The following PIEZO2 variants were observed in gnomAD, a reference collection of about 807,000 sequenced individuals.
PIEZO2 encodes the protein piezo type mechanosensitive ion channel component 2, also known as piezo-type mechanosensitive ion channel component 2.
PIEZO2 carries 172 observed loss-of-function variants against 337.3 expected under a neutral mutation model. The ratio of observed to expected loss-of-function variants is 0.51; its 90% CI spans 0.45 to 0.58. The LOEUF is 0.58. Ranked by LOEUF, PIEZO2 falls within the 20% of genes least tolerant of loss-of-function variation. PIEZO2 has a pLI of 0.00. For synonymous variants in PIEZO2, 1,251 were observed against 1,228.5 expected (o/e 1.02, Z -0.38); for missense variants, 3,028 against 3,391.3 (o/e 0.89, Z 2.66).
At chr18:10,762,120 T>C (rs2038160860) in intron 23 of PIEZO2, among the ~76,000 whole-genome samples, 1 of 152,246 alleles carries the variant, frequency 6.6e-6, no homozygotes, top group Non-Finnish European at 1.5e-5. Flanking sequence ...TTAATATTTT[T>C]CTTTGTGTCT....
chr18:10,725,062 G>C (rs1448574267), intron 36 of PIEZO2: 1 of 1,543,772 alleles, frequency 6.5e-7, no homozygotes, highest in Non-Finnish European at 9.0e-7. Flanking sequence ...AACCAACGTG[G>C]ACCGTGAGGG....
At position 10,992,555 on chromosome 18, in the gene PIEZO2, T is replaced by TCTGAGGC. The variant is rs539302964; in HGVS notation, c.161-12902_161-12896dup. Among the ~76,000 whole-genome samples, 114 of 152,264 alleles carry TCTGAGGC rather than the reference T, an allele frequency of 7.5e-4. 1 individual carries two copies. Among genetic ancestry groups the TCTGAGGC allele is most frequent in the African/African-American group, 2.7e-3 (111 of 41,580 alleles). ...CAGATGGTTGTAGATGTGTGTGATT[T>TCTGAGGC]CTGAGGCCTCTGTCCTGTTCTATTG... On this transcript the variant is annotated intron_variant, in intron 2 of 55. Transcript: ENST00000674853.
At chr18:10,717,955 A>T (rs1166796917) in intron 37 of PIEZO2, among the ~76,000 whole-genome samples, 1 of 152,212 alleles carries the variant, frequency 6.6e-6, no homozygotes, top group Non-Finnish European at 1.5e-5. Flanking sequence ...AGGTGCTTGC[A>T]TAAAGGAATT....
intron 4 of PIEZO2, among the ~76,000 whole-genome samples, chr18:10,887,955 C>T (rs868480061): frequency 1.1e-4 from 16 of 152,094 alleles, no homozygotes; most frequent in Middle Eastern, 3.2e-3. Context: ...TCTGCTGGGT[C>T]ATCATGTTTA....
intron 4 of PIEZO2, among the ~76,000 whole-genome samples, chr18:10,896,295 G>C (rs1414621876): frequency 6.6e-6 from 1 of 152,048 alleles, no homozygotes; most frequent in African/African-American, 2.4e-5. Context: ...AGGTGCTGGT[G>C]ACCATCTGAC....
intron 2 of PIEZO2, among the ~76,000 whole-genome samples, chr18:11,064,141 G>C (rs910341578): frequency 1.1e-4 from 17 of 152,150 alleles, no homozygotes; most frequent in African/African-American, 3.9e-4. Flanking sequence ...GACAAGCTTG[G>C]TCTAACACAA....
intron 20 of PIEZO2, 72 bp from the exon 21 acceptor site, chr18:10,770,380 C>A (rs1200197299): frequency 1.6e-5 from 22 of 1,409,234 alleles, no homozygotes; most frequent in Non-Finnish European, 2.0e-5. Flanking sequence ...TATCTTGTAA[C>A]TTTCAGGTTG....
rs1480368065 is a variant in PIEZO2 at position 10,726,472 on chromosome 18, G to C, written c.5029+4935C>G. On this transcript the variant is annotated intron_variant, in intron 36 of 55. Transcript: ENST00000674853. The surrounding 1 kb of genome is among the most constrained non-coding windows in gnomAD (Gnocchi z 5.9). ...CCGGCGAACCCCACGAGGAGGGCCT[G>C]GCCACCCTGCACAGCGTGCTGCTCC... 3.9e-6 allele frequency: 6 copies of C among 1,526,444 alleles called. No individual in the cohort carries two copies. The highest frequency in any genetic ancestry group is 4.0e-5 in the Admixed American group (2 of 50,256). The allele number at this position is 1,526,444 out of a possible 1,614,324, so 94.6% of individuals were successfully genotyped here. A position where few individuals can be genotyped will look rare whatever the true frequency, so the allele number is the denominator to read the frequency against.
intron 9 of PIEZO2, among the ~76,000 whole-genome samples, chr18:10,802,890 T>C (rs944742566): frequency 6.6e-6 from 1 of 150,748 alleles, no homozygotes; most frequent in Non-Finnish European, 1.5e-5. Flanking sequence ...GAGAATCGCT[T>C]GAACCCAGGA....
At chr18:10,838,659 G>C (rs2041095670) in intron 7 of PIEZO2, among the ~76,000 whole-genome samples, 1 of 152,172 alleles carries the variant, frequency 6.6e-6, no homozygotes. Context: ...AATTATCACA[G>C]GCATTCTTTC....
chr18:10,766,111 AGT>A lies in PIEZO2; in HGVS notation c.2947-3015_2947-3014del, dbSNP rs1328108989. ...TTCATTCCATACAAATATCAAGCCCAGTGCAAACCTCAGTGCGCCTTGCCCTC... is the reference window on the plus strand; with the variant it reads ...TTCATTCCATACAAATATCAAGCCCAGCAAACCTCAGTGCGCCTTGCCCTC... On this transcript the variant is annotated intron_variant, in intron 21 of 55. Coordinates refer to ENST00000674853, the MANE Select transcript of PIEZO2 (RefSeq NM_001378183.1). This position sits in a 1 kb window ranked among gnomAD's most constrained non-coding sequence, Gnocchi z 6.1. 1.3e-5 allele frequency among the ~76,000 whole-genome samples: 2 copies of A among 152,162 alleles called. No homozygotes were observed. The highest frequency in any genetic ancestry group is 2.9e-5 in the Non-Finnish European group (2 of 68,030).
intron 3 of PIEZO2, among the ~76,000 whole-genome samples, chr18:10,959,075 G>A (rs1252226211): frequency 6.6e-6 from 1 of 152,004 alleles, no homozygotes; most frequent in Non-Finnish European, 1.5e-5. Flanking sequence ...TATGTCATCA[G>A]CAAAAATATG....
intron 48 of PIEZO2, 72 bp from the exon 49 acceptor site, chr18:10,689,874 A>C: frequency 1.4e-5 from 21 of 1,526,270 alleles, no homozygotes; most frequent in Non-Finnish European, 1.7e-5. Flanking sequence ...CCAGGAGCTC[A>C]AGCAGTTCCT....
chr18:10,914,168 C>G (rs184038008), intron 3 of PIEZO2, among the ~76,000 whole-genome samples: 37 of 152,214 alleles, frequency 2.4e-4, no homozygotes, highest in African/African-American at 8.9e-4. Flanking sequence ...CCAAAGCAGT[C>G]CAACACGGGG....
In PIEZO2 at chr18:11,094,009, G is replaced by A. The variant is rs1168131583; in HGVS notation, c.65-27787C>T. 6.7e-6 allele frequency among the ~76,000 whole-genome samples: 1 copy of A among 148,300 alleles called. No individual in the cohort carries two copies. The highest frequency in any genetic ancestry group is 1.5e-5 in the Non-Finnish European group (1 of 67,042). On this transcript the variant is annotated intron_variant, in intron 1 of 55. Transcript: ENST00000674853. The surrounding 1 kb of genome is among the most constrained non-coding windows in gnomAD (Gnocchi z 4.4). ...CTTTCTTTTTTTGAGACAGTGTCTC[G>A]CTCTTGGGGCCCAGGCTGGAGTGCA...
intron 3 of PIEZO2, among the ~76,000 whole-genome samples, chr18:10,958,384 A>C (rs575123099): frequency 6.6e-6 from 1 of 152,144 alleles, no homozygotes; most frequent in South Asian, 2.1e-4. Context: ...AAGGGAGGGG[A>C]AGTTGAGGAG....
rs1205612412 is a variant in PIEZO2, at chr18:10,713,696, A to AG, written c.5423+1067dup. The stretch of plus-strand genomic sequence containing the variant: ...TCTTTATATGCCTCTCCCAGAATAG[A>AG]GCCCAGGGCTTGGCACAGAATAGCT... On this transcript the variant is annotated intron_variant, in intron 39 of 55. Transcript: ENST00000674853. The surrounding 1 kb of genome is among the most constrained non-coding windows in gnomAD (Gnocchi z 4.5). Among the ~76,000 whole-genome samples, 1 of 152,208 alleles carries AG rather than the reference A, an allele frequency of 6.6e-6. No individual in the cohort carries two copies. Among genetic ancestry groups the AG allele is most frequent in the Non-Finnish European group, 1.5e-5 (1 of 68,044 alleles).
intron 13 of PIEZO2, among the ~76,000 whole-genome samples, chr18:10,792,248 C>G (rs1568062931): frequency 6.6e-6 from 1 of 152,244 alleles, no homozygotes; most frequent in Non-Finnish European, 1.5e-5. Flanking sequence ...CATGCCTGGT[C>G]ACACAGAGTA....
chr18:10,802,543 T>G (rs1424903200), intron 9 of PIEZO2, among the ~76,000 whole-genome samples: 1 of 152,348 alleles, frequency 6.6e-6, no homozygotes, highest in Middle Eastern at 3.4e-3. Flanking sequence ...GCATATCTAT[T>G]TAATGTCTAG....
Sources: gnomAD v4.1 joint callset for allele counts (sites outside exome capture counted in the v4.1 genomes callset) on GRCh38, gnomAD v4.1.1 for gene constraint, Gnocchi (gnomAD v3.1) non-coding constraint, MANE v1.5 for transcripts, NCBI Gene and HGNC (gene_info 2026-07-23, HGNC 2026-07-21) for gene names.